Variants in ENPP1 observed in about 807,000 individuals in gnomAD.
ENPP1 encodes the protein ectonucleotide pyrophosphatase/phosphodiesterase family member 1.
Under a neutral mutation model 122.8 loss-of-function variants are expected in ENPP1, and 73 were observed. The observed-to-expected ratio is 0.59, with a 90% CI of 0.49 to 0.72. The LOEUF (loss-of-function observed/expected upper bound fraction) is 0.72. ENPP1 is among the 30% of genes least tolerant of loss of function. ENPP1 has a pLI of 0.00. For missense variants in ENPP1, 978 were observed against 1,128.1 expected, an observed-to-expected ratio of 0.87 and a Z score of 1.91; for synonymous variants, 367 against 391.6, an observed-to-expected ratio of 0.94 and a Z score of 0.74.
chr6:131,882,575 T>C, intron 21 of ENPP1, 101 bp downstream of exon 21: 1 of 266,106 alleles, frequency 3.8e-6, no homozygotes, highest in Non-Finnish European at 6.7e-6. Context: ...ATATTACCTA[T>C]TATATATATA....
At chr6:131,824,872 C>T (rs1016557053) in intron 1 of ENPP1, among the ~76,000 whole-genome samples, 1 of 151,958 alleles carries the variant, frequency 6.6e-6, no homozygotes, top group Non-Finnish European at 1.5e-5. Flanking sequence ...CCAGCCTGGG[C>T]AACATGGTGA....
At chr6:131,840,728 T>G (rs938920604) in intron 1 of ENPP1, among the ~76,000 whole-genome samples, 1 of 152,218 alleles carries the variant, frequency 6.6e-6, no homozygotes, top group Admixed American at 6.5e-5. Context: ...CCACTGCAGT[T>G]GTTTTGTGCA....
At chr6:131,871,165 A>G (rs1459721333) in intron 13 of ENPP1, among the ~76,000 whole-genome samples, 6 of 152,114 alleles carry the variant, frequency 3.9e-5, no homozygotes, top group African/African-American at 7.2e-5. Flanking sequence ...TAGGCCCTCA[A>G]GTTTCCCAAA....
chr6:131,834,676 G>A (rs1236741890), intron 1 of ENPP1, among the ~76,000 whole-genome samples: 1 of 151,980 alleles, frequency 6.6e-6, no homozygotes, highest in African/African-American at 2.4e-5. Context: ...GATTACAGGC[G>A]TGTGCCACTA....
At position 131,847,816 on chromosome 6, in the gene ENPP1, T is replaced by C. The variant is rs753796853; in HGVS notation, c.281T>C (p.Ile94Thr). The C allele has an allele frequency of 4.3e-6, 7 of 1,612,330 alleles. No individual in the cohort carries two copies. The highest frequency in any genetic ancestry group is 5.9e-6 in the Non-Finnish European group (7 of 1,179,678). The change falls in exon 2 of 25, where the codon ATA (isoleucine) becomes ACA (threonine). Residue 94 changes from isoleucine (I) to threonine (T), a missense_variant. Coordinates refer to ENST00000647893, the MANE Select transcript of ENPP1 (RefSeq NM_006208.3). ...VCVLTTILGCIFGLKPSCAKE... is the reference protein window; with the variant it reads ...VCVLTTILGCTFGLKPSCAKE... ...GTGTTAACAACAATACTTGGTTGTA[T>C]ATTTGGGTTGAAACCAAGCTGTGCC...
At chr6:131,824,211 C>T (rs143898524) in intron 1 of ENPP1, among the ~76,000 whole-genome samples, 10 of 151,898 alleles carry the variant, frequency 6.6e-5, no homozygotes, top group Non-Finnish European at 1.3e-4. Context: ...GTGTACATAG[C>T]GAGGGGGAAT....
At chr6:131,835,475 G>A (rs572264921) in intron 1 of ENPP1, among the ~76,000 whole-genome samples, 3 of 152,286 alleles carry the variant, frequency 2.0e-5, no homozygotes, top group Non-Finnish European at 2.9e-5. Flanking sequence ...AGAAGAATCT[G>A]ATAGTTTTAT....
intron 6 of ENPP1, among the ~76,000 whole-genome samples, chr6:131,855,391 T>C (rs2114696672): frequency 6.6e-6 from 1 of 152,294 alleles, no homozygotes; most frequent in African/African-American, 2.4e-5. Context: ...AGTGGTGTGA[T>C]CTTGGCTCAC....
chr6:131,874,841 T>TACAC (rs71710516), intron 16 of ENPP1, among the ~76,000 whole-genome samples: 1 of 149,118 alleles, frequency 6.7e-6, no homozygotes, highest in Admixed American at 6.7e-5. Flanking sequence ...TATATATATA[T>TACAC]ACACACACAC....
chr6:131,810,442 A>ACCCC (rs1781333734), intron 1 of ENPP1, among the ~76,000 whole-genome samples: 3 of 45,556 alleles, frequency 6.6e-5, no homozygotes, highest in South Asian at 7.3e-4. Flanking sequence ...TTTTTCCCCC[A>ACCCC]ACCCCGCCCC....
intron 1 of ENPP1, among the ~76,000 whole-genome samples, chr6:131,822,515 GA>G (rs1230736831): frequency 1.3e-5 from 2 of 151,410 alleles, no homozygotes; most frequent in Non-Finnish European, 2.9e-5. Flanking sequence ...AAAGTATAAA[GA>G]AGAAAATGAA....
chr6:131,811,372 A>ATC (rs1192779252), intron 1 of ENPP1, among the ~76,000 whole-genome samples: 25 of 142,702 alleles, frequency 1.8e-4, no homozygotes, highest in Admixed American at 1.1e-3. Context: ...CTATATCTAT[A>ATC]TCTATATATC....
intron 2 of ENPP1, 74 bp from the exon 3 acceptor site, chr6:131,849,916 A>T: frequency 1.9e-6 from 2 of 1,080,458 alleles, no homozygotes; most frequent in Non-Finnish European, 2.9e-6. Flanking sequence ...CACCTAACTT[A>T]GTTGTATTCG....
chr6:131,869,520 T>A, intron 13 of ENPP1, 31 bp downstream of exon 13: 1 of 1,607,636 alleles, frequency 6.2e-7, no homozygotes, highest in Non-Finnish European at 8.5e-7. Context: ...ACTTTGAATA[T>A]GGTCATATTA....
intron 9 of ENPP1, among the ~76,000 whole-genome samples, chr6:131,862,030 G>A (rs1782030364): frequency 6.6e-6 from 1 of 152,132 alleles, no homozygotes; most frequent in South Asian, 2.1e-4. Context: ...TTAGCCAGGC[G>A]TGATGGCGGG....
intron 1 of ENPP1, among the ~76,000 whole-genome samples, chr6:131,831,662 C>T (rs760796858): frequency 2.6e-5 from 4 of 152,100 alleles, no homozygotes; most frequent in African/African-American, 4.8e-5. Context: ...ACTTGACTGA[C>T]GTATTTTTGG....
intron 1 of ENPP1, among the ~76,000 whole-genome samples, chr6:131,835,972 T>C (rs1781668330): frequency 6.6e-6 from 1 of 152,234 alleles, no homozygotes; most frequent in Non-Finnish European, 1.5e-5. Context: ...AAGTGACATA[T>C]GGGCACCACT....
At chr6:131,814,002 C>T (rs913802095) in intron 1 of ENPP1, among the ~76,000 whole-genome samples, 1 of 152,118 alleles carries the variant, frequency 6.6e-6, no homozygotes, top group African/African-American at 2.4e-5. Flanking sequence ...ATGGAAGAGC[C>T]TTAGGCCAGG....
intron 15 of ENPP1, 53 bp downstream of exon 15, chr6:131,873,103 G>A: frequency 6.3e-7 from 1 of 1,597,984 alleles, no homozygotes. Context: ...TAGTGATTCA[G>A]GGTAACCATT....
Sources: allele counts gnomAD v4.1 joint callset (sites outside exome capture counted in the v4.1 genomes callset), GRCh38; gene constraint gnomAD v4.1.1; transcripts MANE v1.5; gene names NCBI Gene and HGNC (gene_info 2026-07-23, HGNC 2026-07-21).